Variants in ERCC6L2 observed in about 807,000 individuals in gnomAD.
ERCC6L2 encodes the protein ERCC excision repair 6 like 2.
ERCC6L2 carries 77 observed loss-of-function variants against 132.0 expected under a neutral mutation model. That is an observed-to-expected ratio of 0.58 (90% CI 0.49 to 0.71). ERCC6L2 has a LOEUF of 0.71. Ranked by LOEUF, ERCC6L2 falls within the 30% of genes least tolerant of loss-of-function variation. The pLI, the probability that ERCC6L2 is intolerant of heterozygous loss-of-function variation, is 0.00. For missense variants in ERCC6L2, 1,542 were observed against 1,837.6 expected (o/e 0.84, Z 2.94); for synonymous variants, 583 against 632.4 (o/e 0.92, Z 1.17).
In ERCC6L2 at chr9:96,013,144, A is replaced by G. The variant is rs765740909; in HGVS notation, c.4594A>G (p.Lys1532Glu). ...GAAATCAAATGAGAAATTTTTATGG[A>G]AGAAATTTAGCCCAAGTGATACAGA... is the stretch of plus-strand genomic sequence containing the variant. ...LWKSNEKFLW[K>E]KFSPSDTDEN... The change falls in exon 19 of 19, where the codon AAG becomes GAG. Residue 1532 changes from lysine (K) to glutamate (E), a missense_variant. Transcript: ENST00000653738. The G allele has an allele frequency of 2.9e-6, 4 of 1,367,192 alleles. No homozygotes were observed. The Admixed American group carries it at 7.6e-5, about 26-fold the overall frequency. 84.7% of individuals were successfully genotyped at this position (1,367,192 alleles called of 1,614,324 possible).
intron 2 of ERCC6L2, among the ~76,000 whole-genome samples, chr9:95,885,560 TTGAAAA>T (rs1335207504): frequency 2.6e-5 from 4 of 152,224 alleles, no homozygotes; most frequent in Admixed American, 2.0e-4. Context: ...AACAGGTAAC[TTGAAAA>T]TGAATCCCTT....
chr9:95,878,869 G>T (rs1261648834), intron 1 of ERCC6L2, among the ~76,000 whole-genome samples: 3 of 151,494 alleles, frequency 2.0e-5, no homozygotes, highest in African/African-American at 4.8e-5. Context: ...GTATTCCATG[G>T]TGTATATGTG....
chr9:95,993,847 AG>A (rs2133166762), intron 17 of ERCC6L2, among the ~76,000 whole-genome samples: 2 of 152,278 alleles, frequency 1.3e-5, no homozygotes, highest in East Asian at 3.9e-4. Context: ...TCCCCAGAAA[AG>A]GTTTTGGATT....
At chr9:95,906,654 C>A (rs565548469) in intron 3 of ERCC6L2, 11 of 456,886 alleles carry the variant, frequency 2.4e-5, no homozygotes, top group African/African-American at 2.2e-4. Context: ...TAGGAAAATG[C>A]AGAAGGAAAG....
chr9:95,907,658 C>A (rs2132661182), intron 4 of ERCC6L2, among the ~76,000 whole-genome samples: 1 of 152,182 alleles, frequency 6.6e-6, no homozygotes, highest in East Asian at 1.9e-4. Context: ...CTATTTCTTA[C>A]ATTGAATACA....
chr9:95,944,869 G>A (rs376295534), intron 12 of ERCC6L2, among the ~76,000 whole-genome samples: 1 of 152,074 alleles, frequency 6.6e-6, no homozygotes, highest in Non-Finnish European at 1.5e-5. Flanking sequence ...AATAGGGTGT[G>A]GGTCACAGAG....
intron 9 of ERCC6L2, among the ~76,000 whole-genome samples, chr9:95,926,896 G>A (rs1157107304): frequency 6.6e-6 from 1 of 151,978 alleles, no homozygotes; most frequent in Non-Finnish European, 1.5e-5. Context: ...ATATTAATAA[G>A]AGAAAGTGTG....
chr9:95,918,581 C>T (rs1397658365), intron 6 of ERCC6L2: 8 of 375,828 alleles, frequency 2.1e-5, no homozygotes, highest in East Asian at 7.1e-5. Flanking sequence ...TGGAAAAGGA[C>T]GGCCTGATTT....
At chr9:95,918,918 A>ATC (rs1829728656) in intron 6 of ERCC6L2, among the ~76,000 whole-genome samples, 1 of 151,772 alleles carries the variant, frequency 6.6e-6, no homozygotes, top group Non-Finnish European at 1.5e-5. Context: ...CCCAGGCTGG[A>ATC]GTGCAGTGGC....
rs1381618573 is a variant in ERCC6L2 at position 95,966,704 on chromosome 9, A to G, written c.2090A>G (p.Asp697Gly). The G allele has an allele frequency of 1.6e-5, 23 of 1,471,022 alleles. No individual in the cohort carries two copies. Among genetic ancestry groups the G allele is most frequent in the Non-Finnish European group, 2.1e-5 (23 of 1,089,988 alleles). The allele number at this position is 1,471,022 out of a possible 1,614,324, so 91.1% of individuals were successfully genotyped here. Residue 697 changes from aspartate (D) to glycine (G), a missense_variant, in exon 14 of 19, where the codon GAC becomes GGC. Transcript: ENST00000653738. ...TCCCAAGGGTCTTGTCTTACGAAGG[A>G]CATCCTGGAGGTGTGAACTTCTTCT... ...FRSQGSCLTKDILEREGQVEA... is the reference protein window; with the variant it reads ...FRSQGSCLTKGILEREGQVEA...
chr9:95,980,007 A>T (rs936677224), intron 17 of ERCC6L2, among the ~76,000 whole-genome samples: 1 of 152,210 alleles, frequency 6.6e-6, no homozygotes, highest in African/African-American at 2.4e-5. Flanking sequence ...ATAACTGGAT[A>T]TACTGGTCAT....
intron 10 of ERCC6L2, chr9:95,928,405 A>G (rs1830191805): frequency 2.5e-6 from 1 of 406,018 alleles, no homozygotes; most frequent in Non-Finnish European, 4.3e-6. Context: ...TCTTTAAGAC[A>G]TTTCATATAT....
intron 17 of ERCC6L2, among the ~76,000 whole-genome samples, chr9:95,991,526 G>A (rs1833302661): frequency 6.6e-6 from 1 of 152,124 alleles, no homozygotes; most frequent in African/African-American, 2.4e-5. Flanking sequence ...TGGTTATTCA[G>A]ACTTGGGTAT....
chr9:95,906,933 T>G (rs1363392563), intron 3 of ERCC6L2, 145 bp from the exon 4 acceptor site: 1 of 635,056 alleles, frequency 1.6e-6, no homozygotes, highest in Non-Finnish European at 2.7e-6. Context: ...TGTCCAGATA[T>G]AGCTAATCAC....
chr9:95,984,470 G>C (rs16910418), intron 17 of ERCC6L2, among the ~76,000 whole-genome samples: 19,686 of 151,656 alleles, frequency 0.13, 1,355 homozygotes, highest in South Asian at 0.24. Flanking sequence ...TCCCATTCAA[G>C]ATCTACCTCA....
intron 1 of ERCC6L2, among the ~76,000 whole-genome samples, chr9:95,880,078 G>A (rs1318543628): frequency 6.6e-6 from 1 of 152,110 alleles, no homozygotes; most frequent in Non-Finnish European, 1.5e-5. Flanking sequence ...CACAGAATAA[G>A]TTCATAAAGA....
At chr9:96,018,824 A>G (rs897647940), downstream of ERCC6L2, among the ~76,000 whole-genome samples, 1 of 152,174 alleles carries the variant, frequency 6.6e-6, no homozygotes, top group African/African-American at 2.4e-5. Flanking sequence ...ATTAAGACCA[A>G]TCTTAATTAT....
At chr9:95,937,863 T>G (rs989709743) in intron 11 of ERCC6L2, among the ~76,000 whole-genome samples, 4 of 151,572 alleles carry the variant, frequency 2.6e-5, no homozygotes, top group South Asian at 2.1e-4. Context: ...TTTTTTTGCT[T>G]CTTTTTCTAG....
chr9:95,916,381 C>T lies in ERCC6L2; in HGVS notation c.1105C>T (p.Leu369Phe). 1 of 1,608,784 alleles carries T rather than the reference C, an allele frequency of 6.2e-7. No homozygotes were observed. Among genetic ancestry groups the T allele is most frequent in the Admixed American group, 1.7e-5 (1 of 58,668 alleles). The stretch of plus-strand genomic sequence containing the variant: ...TGCCAAAAAGATGTCTGGCTGGTTT[C>T]TCAGGCGCACCAAGACTCTTATCAA... ...RLAKKMSGWF[L>F]RRTKTLIKDQ... The change falls in exon 6 of 19, where the codon CTC becomes TTC. Residue 369 changes from leucine to phenylalanine, a missense_variant. Physicochemically the swap from Leu to Phe is conservative, Grantham distance 22 (BLOSUM62 0). This residue lies in a region of ERCC6L2 where 945 missense variants were observed against 1,105.2 expected (regional missense o/e 0.86). Transcript: ENST00000653738.
Sources: allele counts gnomAD v4.1 joint callset (sites outside exome capture counted in the v4.1 genomes callset), GRCh38; gene constraint gnomAD v4.1.1; regional missense constraint gnomAD v4.1.1; transcripts MANE v1.5; gene names NCBI Gene and HGNC (gene_info 2026-07-23, HGNC 2026-07-21).